TLL2: variants seen among roughly 807,000 people sequenced by gnomAD.
TLL2 encodes tolloid like 2, also known as tolloid-like protein 2.
A neutral mutation model predicts 123.0 loss-of-function variants in TLL2; 106 were observed. That is an observed-to-expected ratio of 0.86 (90% CI 0.74 to 1.01). The LOEUF (loss-of-function observed/expected upper bound fraction) is 1.01. Ranked by LOEUF, TLL2 falls within the 50% of genes least tolerant of loss-of-function variation. The pLI is 0.00. For missense variants in TLL2, 1,332 were observed against 1,336.7 expected (o/e 1.00, Z 0.06); for synonymous variants, 494 against 516.8 (o/e 0.96, Z 0.60).
chr10:96,413,286 A>C lies in TLL2; in HGVS notation c.954T>G (p.Arg318=), dbSNP rs145707935. ...TTGGCCTGACGCCATTGTCATCTTG[A>C]CGGGGAAGGATGGTGTCTAAGAAAA... ...RGVFLDTILP[R]QDDNGVRPTI... The change falls in exon 8 of 21, where the codon CGT becomes CGG. Residue 318 remains arginine (R), a synonymous_variant. Coordinates refer to ENST00000357947, the MANE Select transcript of TLL2 (RefSeq NM_012465.4). The C allele has an allele frequency of 7.4e-6, 12 of 1,614,028 alleles. No individual in the cohort carries two copies. In the African/African-American group the frequency reaches 1.1e-4, roughly 14 times the overall value.
At chr10:96,476,248 T>TCTTTTTTTTTTTTTTTTTG (rs1554939656) in intron 2 of TLL2, among the ~76,000 whole-genome samples, 2 of 69,234 alleles carry the variant, frequency 2.9e-5, no homozygotes, top group African/African-American at 6.2e-5. Flanking sequence ...ATATTTTATT[T>TCTTTTTTTTTTTTTTTTTG]TTGTTGTTGT....
chr10:96,386,112 G>T lies in TLL2; in HGVS notation c.1956C>A (p.Ala652=). The change falls in exon 15 of 21, where the codon GCC becomes GCA. Residue 652 remains alanine, a synonymous_variant. Coordinates refer to ENST00000357947, the MANE Select transcript of TLL2 (RefSeq NM_012465.4). ...TNKNCVWQVV[A]PAQYRISLQF... ...GAAGGGAGATCCGGTACTGAGCGGGGGCCACCACCTGCCAGACACAGTTTT... is the reference window on the plus strand; with the variant it reads ...GAAGGGAGATCCGGTACTGAGCGGGTGCCACCACCTGCCAGACACAGTTTT... 1 of 1,612,906 alleles carries T rather than the reference G, an allele frequency of 6.2e-7. No homozygotes were observed. Among genetic ancestry groups the T allele is most frequent in the Non-Finnish European group, 8.5e-7 (1 of 1,179,438 alleles).
At chr10:96,422,313 T>G (rs934616541) in intron 6 of TLL2, among the ~76,000 whole-genome samples, 1 of 151,758 alleles carries the variant, frequency 6.6e-6, no homozygotes, top group Non-Finnish European at 1.5e-5. Context: ...CTTTAAAACA[T>G]GGAAAATCAT....
At chr10:96,441,950 C>T (rs372639185) in intron 3 of TLL2, among the ~76,000 whole-genome samples, 2 of 152,278 alleles carry the variant, frequency 1.3e-5, no homozygotes, top group East Asian at 3.9e-4. Flanking sequence ...ACACAAAGCC[C>T]CTAGGAAATG....
intron 2 of TLL2, among the ~76,000 whole-genome samples, chr10:96,447,975 T>A (rs1846915457): frequency 6.6e-6 from 1 of 152,108 alleles, no homozygotes; most frequent in Admixed American, 6.5e-5. Context: ...AAGGCTCACA[T>A]GGCACCACGA....
chr10:96,435,506 T>C (rs975981321), intron 3 of TLL2, among the ~76,000 whole-genome samples: 1 of 152,236 alleles, frequency 6.6e-6, no homozygotes, highest in Non-Finnish European at 1.5e-5. Context: ...GCTTGTGCTT[T>C]TGGTGTCATA....
chr10:96,402,120 G>A (rs139992760), intron 10 of TLL2, among the ~76,000 whole-genome samples: 156 of 152,288 alleles, frequency 1.0e-3, no homozygotes, highest in African/African-American at 3.4e-3. Context: ...ATGTTCTCAC[G>A]AAACTCCTCC....
intron 3 of TLL2, among the ~76,000 whole-genome samples, chr10:96,439,931 A>G (rs139769182): frequency 1.2e-4 from 19 of 152,332 alleles, no homozygotes; most frequent in African/African-American, 4.6e-4. Flanking sequence ...GGGATTTCAC[A>G]TAAGAATCCA....
intron 16 of TLL2, among the ~76,000 whole-genome samples, chr10:96,382,260 A>C (rs1846193041): frequency 6.6e-6 from 1 of 152,088 alleles, no homozygotes; most frequent in Non-Finnish European, 1.5e-5. Flanking sequence ...CGATCTCTTG[A>C]CCTCGTGATC....
chr10:96,390,910 G>T (rs1437594990), intron 13 of TLL2, among the ~76,000 whole-genome samples: 1 of 152,174 alleles, frequency 6.6e-6, no homozygotes, highest in Non-Finnish European at 1.5e-5. Context: ...AAAAACATAA[G>T]ATCTCTCACT....
rs1846522487 is a variant in TLL2 at position 96,413,115 on chromosome 10, A to G, written c.1048+77T>C. On this transcript the variant is annotated intron_variant, in intron 8 of 20. Transcript: ENST00000357947. ...AAGGAATAGTCCCTTTAGGTCCCCC[A>G]AGTTGTTTTCCCAGCATAGGGACTG... 3.8e-6 allele frequency: 6 copies of G among 1,579,534 alleles called. No homozygotes were observed. The South Asian group carries it at 6.8e-5, about 18-fold the overall frequency.
Position 96,367,933 on chromosome 10 carries a change from T to C in TLL2, c.*155A>G. ...CTTGTTGGCCAAACTTACAAGACTT[T>C]CATTCAAATATATACCTCTAAGGCT... On this transcript the variant is annotated 3_prime_UTR_variant, in exon 21 of 21. Transcript: ENST00000357947. 1.1e-5 allele frequency: 10 copies of C among 919,578 alleles called. No homozygotes were observed. Among genetic ancestry groups the C allele is most frequent in the Non-Finnish European group, 1.6e-5 (10 of 637,638 alleles). The allele number at this position is 919,578 out of a possible 1,614,324, so 57.0% of individuals were successfully genotyped here.
chr10:96,456,443 G>A (rs1589426939), intron 2 of TLL2, among the ~76,000 whole-genome samples: 1 of 152,142 alleles, frequency 6.6e-6, no homozygotes, highest in East Asian at 1.9e-4. Context: ...GATGACACAT[G>A]AGGCCTGAGT....
chr10:96,373,916 G>A (rs916844888), intron 18 of TLL2, 107 bp from the exon 19 acceptor site: 28 of 953,736 alleles, frequency 2.9e-5, no homozygotes, highest in African/African-American at 2.9e-4. Context: ...GCAGGGAGAC[G>A]TCCAGCTGGC....
intron 1 of TLL2, among the ~76,000 whole-genome samples, chr10:96,488,057 A>G (rs1286799167): frequency 6.6e-6 from 1 of 152,162 alleles, no homozygotes; most frequent in Non-Finnish European, 1.5e-5. Context: ...TTCATCTTCC[A>G]AGTGTGAATA....
At chr10:96,442,487 C>T (rs1469887606) in intron 3 of TLL2, among the ~76,000 whole-genome samples, 5 of 152,234 alleles carry the variant, frequency 3.3e-5, no homozygotes, top group Non-Finnish European at 1.5e-5. Context: ...GGCCTGCCCT[C>T]ACCTCACTTC....
At chr10:96,373,854 G>A in intron 18 of TLL2, 45 bp from the exon 19 acceptor site, 1 of 1,577,188 alleles carries the variant, frequency 6.3e-7, no homozygotes, top group South Asian at 1.1e-5. Context: ...CTGGCGTTCA[G>A]CTGGGGTGGG....
intron 17 of TLL2, among the ~76,000 whole-genome samples, chr10:96,378,628 GA>G (rs1846158610): frequency 6.6e-6 from 1 of 152,182 alleles, no homozygotes; most frequent in African/African-American, 2.4e-5. Flanking sequence ...TTTAACTAAA[GA>G]AAAAACTGAG....
At chr10:96,426,046 C>A (rs1451486836) in intron 5 of TLL2, among the ~76,000 whole-genome samples, 1 of 152,014 alleles carries the variant, frequency 6.6e-6, no homozygotes, top group Admixed American at 6.5e-5. Context: ...AGAATCTATC[C>A]TTGACATCTA....
Sources: allele counts gnomAD v4.1 joint callset (sites outside exome capture counted in the v4.1 genomes callset), GRCh38; gene constraint gnomAD v4.1.1; transcripts MANE v1.5; gene names NCBI Gene and HGNC (gene_info 2026-07-23, HGNC 2026-07-21).